BAZ1A: variants seen among roughly 807,000 people sequenced by gnomAD.
The protein encoded by BAZ1A is bromodomain adjacent to zinc finger domain 1A.
In BAZ1A, 50 loss-of-function variants were observed where a neutral mutation model predicts 185.2. The ratio of observed to expected loss-of-function variants is 0.27; its 90% CI spans 0.22 to 0.34. BAZ1A has a LOEUF of 0.34. Ranked by LOEUF, BAZ1A falls within the 10% of genes least tolerant of loss-of-function variation. The pLI is 1.00. For missense variants in BAZ1A, 1,356 were observed against 1,839.9 expected (o/e 0.74, Z 4.81); for synonymous variants, 571 against 615.6 (o/e 0.93, Z 1.07).
Position 34,795,750 on chromosome 14 carries a change from G to A in BAZ1A, c.1144C>T (p.Arg382Cys), listed in dbSNP as rs1484130387. The A allele has an allele frequency of 1.9e-6, 3 of 1,610,554 alleles. No individual in the cohort carries two copies. The highest frequency in any genetic ancestry group is 2.2e-5 in the East Asian group (1 of 44,772). Residue 382 changes from arginine to cysteine, a missense_variant, in exon 10 of 27, where the codon CGT (arginine) becomes TGT (cysteine). This residue lies in a region of BAZ1A where 184 missense variants were observed against 355.1 expected (regional missense o/e 0.52). Transcript: ENST00000360310. Reference protein sequence around the residue: ...VEREKEREKLREEKRKYVEYL... With the variant: ...VEREKEREKLCEEKRKYVEYL... The stretch of plus-strand genomic sequence containing the variant: ...TCCACATACTTTCGCTTTTCTTCAC[G>A]TAACTTCTCTCTTTCCTAGAAATTT...
chr14:34,818,976 C>A (rs1293312239), intron 4 of BAZ1A, among the ~76,000 whole-genome samples: 1 of 151,610 alleles, frequency 6.6e-6, no homozygotes, highest in African/African-American at 2.4e-5. Context: ...CCCATCTCTA[C>A]TAAAAATACA....
chr14:34,806,711 C>A (rs1212303229), intron 6 of BAZ1A, among the ~76,000 whole-genome samples: 3 of 151,816 alleles, frequency 2.0e-5, no homozygotes, highest in Non-Finnish European at 4.4e-5. Flanking sequence ...AATCTGTCTG[C>A]TTAGTATTAG....
At chr14:34,833,488 A>G (rs2042283253) in intron 3 of BAZ1A, among the ~76,000 whole-genome samples, 1 of 152,176 alleles carries the variant, frequency 6.6e-6, no homozygotes, top group African/African-American at 2.4e-5. Flanking sequence ...AGATCACACC[A>G]CTGCACTCCA....
At chr14:34,785,688 T>C (rs978149668) in intron 14 of BAZ1A, 89 bp downstream of exon 14, 12 of 1,049,104 alleles carry the variant, frequency 1.1e-5, no homozygotes, top group East Asian at 2.4e-5. Context: ...TACTGATTTA[T>C]TGTAAAATTT....
At chr14:34,818,871 G>C (rs993057462) in intron 4 of BAZ1A, among the ~76,000 whole-genome samples, 2 of 152,110 alleles carry the variant, frequency 1.3e-5, no homozygotes, top group African/African-American at 4.8e-5. Context: ...GCCGGGCGCA[G>C]TGGCTCAAGC....
chr14:34,848,075 T>C (rs1203508193), intron 3 of BAZ1A, among the ~76,000 whole-genome samples: 1 of 152,248 alleles, frequency 6.6e-6, no homozygotes. Context: ...TTGCTCAGGC[T>C]GGTCTTGAAC....
chr14:34,826,324 T>C (rs1296497644), intron 3 of BAZ1A, among the ~76,000 whole-genome samples, 168 bp from the exon 4 acceptor site: 5 of 152,196 alleles, frequency 3.3e-5, no homozygotes, highest in African/African-American at 7.2e-5. Context: ...TAAGCAAATA[T>C]TAGATATAAT....
At chr14:34,788,128 C>T (rs570616538) in intron 12 of BAZ1A, among the ~76,000 whole-genome samples, 1 of 151,756 alleles carries the variant, frequency 6.6e-6, no homozygotes, top group Non-Finnish European at 1.5e-5. Context: ...AAGCAATTCT[C>T]TGCCTCAGCC....
chr14:34,869,001 TC>T (rs1358846002), intron 2 of BAZ1A, among the ~76,000 whole-genome samples: 1 of 150,522 alleles, frequency 6.6e-6, no homozygotes, highest in Non-Finnish European at 1.5e-5. Flanking sequence ...TCTCGGGAGA[TC>T]GAGACCATCC....
chr14:34,867,494 G>A (rs1278397277), intron 2 of BAZ1A, among the ~76,000 whole-genome samples: 2 of 152,236 alleles, frequency 1.3e-5, no homozygotes, highest in African/African-American at 2.4e-5. Context: ...CAACAAACAC[G>A]ATTTAGACTT....
At chr14:34,819,537 C>T (rs563063951) in intron 4 of BAZ1A, among the ~76,000 whole-genome samples, 1 of 152,304 alleles carries the variant, frequency 6.6e-6, no homozygotes, top group African/African-American at 2.4e-5. Context: ...TCAGTTAGTA[C>T]ATATGCATTT....
At chr14:34,810,199 A>G (rs566825819) in intron 5 of BAZ1A, among the ~76,000 whole-genome samples, 1 of 152,312 alleles carries the variant, frequency 6.6e-6, no homozygotes, top group African/African-American at 2.4e-5. Context: ...ACTGACTCCT[A>G]GGTGGCAGGT....
chr14:34,855,073 C>T (rs761282302), intron 3 of BAZ1A, among the ~76,000 whole-genome samples: 3 of 152,068 alleles, frequency 2.0e-5, no homozygotes, highest in East Asian at 3.8e-4. Context: ...AGTGTAACTA[C>T]GTCTCAAATA....
intron 21 of BAZ1A, among the ~76,000 whole-genome samples, chr14:34,766,130 T>C (rs369916160): frequency 6.6e-6 from 1 of 152,212 alleles, no homozygotes; most frequent in East Asian, 1.9e-4. Context: ...TTAACCCATC[T>C]GTCTCTCAGT....
intron 24 of BAZ1A, among the ~76,000 whole-genome samples, chr14:34,761,468 T>C (rs571542654): frequency 1.3e-5 from 2 of 152,330 alleles, no homozygotes; most frequent in African/African-American, 2.4e-5. Context: ...AAATGTGTTA[T>C]AATGTAGTAT....
intron 11 of BAZ1A, among the ~76,000 whole-genome samples, chr14:34,793,948 A>AAAAAAAAG (rs1184269856): frequency 4.6e-5 from 7 of 151,678 alleles, no homozygotes; most frequent in Non-Finnish European, 1.0e-4. Flanking sequence ...TCTCAAAAAG[A>AAAAAAAAG]AAAAAAAGAA....
intron 14 of BAZ1A, among the ~76,000 whole-genome samples, chr14:34,784,238 T>G (rs544777075): frequency 6.6e-6 from 1 of 151,546 alleles, no homozygotes; most frequent in South Asian, 2.1e-4. Flanking sequence ...TGTGGTGGTA[T>G]GTGCCTGTAG....
intron 4 of BAZ1A, among the ~76,000 whole-genome samples, chr14:34,813,718 C>CAAATAAA (rs1328202537): frequency 1.3e-5 from 2 of 151,442 alleles, no homozygotes; most frequent in African/African-American, 4.9e-5. Flanking sequence ...AAATAAAAAA[C>CAAATAAA]AAACGAAGCA....
chr14:34,812,132 G>C (rs1331165702), intron 4 of BAZ1A, among the ~76,000 whole-genome samples: 1 of 152,002 alleles, frequency 6.6e-6, no homozygotes, highest in Non-Finnish European at 1.5e-5. Flanking sequence ...AGAACAGAGT[G>C]CAGGGTGGGG....
Sources: gnomAD v4.1 joint callset for allele counts (sites outside exome capture counted in the v4.1 genomes callset) on GRCh38, gnomAD v4.1.1 for gene constraint, gnomAD v4.1.1 regional missense constraint, MANE v1.5 for transcripts, NCBI Gene and HGNC (gene_info 2026-07-23, HGNC 2026-07-21) for gene names.